MLLT3: variants seen among roughly 807,000 people sequenced by gnomAD.
MLLT3 encodes the protein protein AF-9.
MLLT3 carries 4 observed loss-of-function variants against 53.2 expected under a neutral mutation model. The ratio of observed to expected loss-of-function variants is 0.08; its 90% CI spans 0.04 to 0.17. The LOEUF (loss-of-function observed/expected upper bound fraction) is 0.17, where lower values mean the gene tolerates loss of function less well. MLLT3 is among the 10% of genes least tolerant of loss of function. The pLI, the probability that MLLT3 is intolerant of heterozygous loss-of-function variation, is 1.00. For missense variants in MLLT3, 569 were observed against 684.0 expected (o/e 0.83, Z 1.87); for synonymous variants, 283 against 230.6 (o/e 1.23, Z -2.06).
intron 3 of MLLT3, among the ~76,000 whole-genome samples, chr9:20,454,751 G>C (rs527774724): frequency 1.3e-5 from 2 of 152,298 alleles, no homozygotes; most frequent in Non-Finnish European, 2.9e-5. Flanking sequence ...AAACTTCTAA[G>C]ATATTAAAAG....
chr9:20,398,574 C>T (rs749348887), intron 5 of MLLT3, among the ~76,000 whole-genome samples: 30 of 152,138 alleles, frequency 2.0e-4, no homozygotes, highest in African/African-American at 6.5e-4. Flanking sequence ...CCAATAATTT[C>T]AAGAGCACTG....
chr9:20,573,241 G>C (rs1018578366), intron 2 of MLLT3, among the ~76,000 whole-genome samples: 1 of 150,282 alleles, frequency 6.7e-6, no homozygotes, highest in African/African-American at 2.5e-5. Flanking sequence ...GTGTAGTGGC[G>C]AAATTACTGC....
intron 5 of MLLT3, among the ~76,000 whole-genome samples, chr9:20,372,421 G>A (rs530346545): frequency 3.9e-4 from 59 of 151,932 alleles, no homozygotes; most frequent in African/African-American, 1.4e-3. Flanking sequence ...TCTTTTAGAC[G>A]GAGTCTCACT....
chr9:20,354,908 A>C, intron 8 of MLLT3, 29 bp from the exon 9 acceptor site: 1 of 1,558,384 alleles, frequency 6.4e-7, no homozygotes, highest in Non-Finnish European at 8.8e-7. Flanking sequence ...GCTGTGTTAA[A>C]TTTTATTTCA....
chr9:20,551,648 T>G (rs1229118656), intron 2 of MLLT3, among the ~76,000 whole-genome samples: 1 of 152,166 alleles, frequency 6.6e-6, no homozygotes, highest in Non-Finnish European at 1.5e-5. Context: ...AAAAACTTGC[T>G]CATTGATCAA....
At chr9:20,522,586 G>C (rs1251030145) in intron 2 of MLLT3, among the ~76,000 whole-genome samples, 1 of 152,128 alleles carries the variant, frequency 6.6e-6, no homozygotes, top group African/African-American at 2.4e-5. Context: ...TTACTGCCCA[G>C]TATGCGCTTG....
intron 2 of MLLT3, among the ~76,000 whole-genome samples, chr9:20,524,923 G>A (rs1201515625): frequency 6.6e-6 from 1 of 152,056 alleles, no homozygotes; most frequent in Non-Finnish European, 1.5e-5. Context: ...AGCAGCTTCA[G>A]TCAGAAGGGA....
At chr9:20,580,359 G>T (rs1409842037) in intron 2 of MLLT3, among the ~76,000 whole-genome samples, 1 of 151,564 alleles carries the variant, frequency 6.6e-6, no homozygotes, top group African/African-American at 2.4e-5. Context: ...TAGTTAACTT[G>T]ACTTTTTTTT....
chr9:20,400,451 A>C (rs1822427362), intron 5 of MLLT3, among the ~76,000 whole-genome samples: 2 of 152,184 alleles, frequency 1.3e-5, no homozygotes, highest in South Asian at 4.1e-4. Context: ...ATATTTGATG[A>C]TATTAAGACT....
chr9:20,473,229 ACTG>A (rs1229078369), intron 2 of MLLT3, among the ~76,000 whole-genome samples: 1 of 152,074 alleles, frequency 6.6e-6, no homozygotes, highest in Non-Finnish European at 1.5e-5. Context: ...CTTCAGTTAC[ACTG>A]CTATTTTTTC....
At chr9:20,472,245 G>A (rs536319860) in intron 2 of MLLT3, among the ~76,000 whole-genome samples, 5 of 152,066 alleles carry the variant, frequency 3.3e-5, no homozygotes, top group South Asian at 2.1e-4. Flanking sequence ...TAATAAACTA[G>A]TATGCAAATT....
At chr9:20,586,067 T>C (rs928848277) in intron 2 of MLLT3, among the ~76,000 whole-genome samples, 6 of 152,142 alleles carry the variant, frequency 3.9e-5, no homozygotes, top group Non-Finnish European at 5.9e-5. Context: ...TCTGTAATCC[T>C]AGCACTTCGG....
At chr9:20,553,823 A>G (rs931710758) in intron 2 of MLLT3, among the ~76,000 whole-genome samples, 2 of 152,094 alleles carry the variant, frequency 1.3e-5, no homozygotes, top group South Asian at 4.2e-4. Context: ...GACAAAAAAT[A>G]AACAGCTTTT....
intron 5 of MLLT3, among the ~76,000 whole-genome samples, chr9:20,409,157 T>C (rs1007117156): frequency 6.6e-6 from 1 of 152,166 alleles, no homozygotes; most frequent in Non-Finnish European, 1.5e-5. Flanking sequence ...TTTTTACTTC[T>C]TCACTTTAAA....
chr9:20,352,251 C>T (rs1479980588), intron 10 of MLLT3, among the ~76,000 whole-genome samples: 22 of 152,208 alleles, frequency 1.4e-4, no homozygotes, highest in Admixed American at 1.4e-3. Flanking sequence ...CTATGAGACT[C>T]ACTATTTGGG....
intron 5 of MLLT3, among the ~76,000 whole-genome samples, chr9:20,372,530 G>A (rs981343229): frequency 4.0e-5 from 6 of 150,244 alleles, no homozygotes; most frequent in Non-Finnish European, 5.9e-5. Context: ...TGGGACTACA[G>A]GCACCCGCCA....
At chr9:20,507,321 C>T (rs1159964094) in intron 2 of MLLT3, among the ~76,000 whole-genome samples, 1 of 152,074 alleles carries the variant, frequency 6.6e-6, no homozygotes, top group Non-Finnish European at 1.5e-5. Flanking sequence ...TACAAGGCAC[C>T]AAAAGAAAAT....
chr9:20,588,762 T>C lies in MLLT3; in HGVS notation c.193+31892A>G, dbSNP rs542131875. Among the ~76,000 whole-genome samples the C allele has an allele frequency of 1.8e-4, 27 of 152,314 alleles. No homozygotes were observed. In the East Asian group the frequency reaches 5.0e-3, roughly 28 times the overall value. The stretch of plus-strand genomic sequence containing the variant: ...TTTGGGCTGAGACAATGGGGTTTTC[T>C]AGATATACAATCATGTCATCTGCAA... On this transcript the variant is annotated intron_variant, in intron 2 of 10. Transcript: ENST00000380338.
chr9:20,505,541 T>A (rs1389614705), intron 2 of MLLT3, among the ~76,000 whole-genome samples: 3 of 152,184 alleles, frequency 2.0e-5, no homozygotes, highest in African/African-American at 7.2e-5. Flanking sequence ...AAATAACAAG[T>A]GGGCAGAGGA....
Sources: gnomAD v4.1 joint callset for allele counts (sites outside exome capture counted in the v4.1 genomes callset) on GRCh38, gnomAD v4.1.1 for gene constraint, MANE v1.5 for transcripts, NCBI Gene and HGNC (gene_info 2026-07-23, HGNC 2026-07-21) for gene names.